The following CHRM3 variants were observed in gnomAD, a reference collection of about 807,000 sequenced individuals.
CHRM3 encodes the protein cholinergic receptor muscarinic 3.
A neutral mutation model predicts 41.8 loss-of-function variants in CHRM3; 11 were observed. The ratio of observed to expected loss-of-function variants is 0.26; its 90% CI spans 0.17 to 0.44. CHRM3 has a LOEUF of 0.44. Ranked by LOEUF, CHRM3 falls within the 20% of genes least tolerant of loss-of-function variation. The pLI is 1.00. For missense variants in CHRM3, 571 were observed against 745.4 expected, an observed-to-expected ratio of 0.77 and a Z score of 2.72; for synonymous variants, 297 against 301.4, an observed-to-expected ratio of 0.99 and a Z score of 0.15.
At chr1:239,449,730 T>A (rs1218986765) in intron 1 of CHRM3, among the ~76,000 whole-genome samples, 1 of 147,650 alleles carries the variant, frequency 6.8e-6, no homozygotes, top group Non-Finnish European at 1.5e-5. Context: ...ATTGTCACAT[T>A]CTGGTGTGTG....
At chr1:239,595,816 A>G (rs1319009804) in intron 3 of CHRM3, among the ~76,000 whole-genome samples, 2 of 152,180 alleles carry the variant, frequency 1.3e-5, no homozygotes, top group Admixed American at 6.5e-5. Context: ...CAGTGCCAAA[A>G]TATAGCTCCA....
intron 3 of CHRM3, among the ~76,000 whole-genome samples, chr1:239,629,820 G>A (rs1172756314): frequency 6.6e-6 from 1 of 151,994 alleles, no homozygotes; most frequent in Admixed American, 6.6e-5. Context: ...TAATTATTCT[G>A]TCTCTAGTTT....
intron 5 of CHRM3, among the ~76,000 whole-genome samples, chr1:239,705,979 T>C (rs1265011158): frequency 2.0e-5 from 3 of 151,468 alleles, no homozygotes; most frequent in African/African-American, 7.3e-5. Context: ...AAGAATTAAA[T>C]GTTGTAAGTC....
chr1:239,737,866 G>A (rs1211067630), intron 5 of CHRM3, among the ~76,000 whole-genome samples: 2 of 152,096 alleles, frequency 1.3e-5, no homozygotes, highest in African/African-American at 4.8e-5. Context: ...GAAGCAAGCT[G>A]ATCTTTCAGA....
At chr1:239,586,919 A>G (rs1176882150) in intron 3 of CHRM3, among the ~76,000 whole-genome samples, 1 of 152,174 alleles carries the variant, frequency 6.6e-6, no homozygotes, top group Non-Finnish European at 1.5e-5. Context: ...TGTATTATTG[A>G]TGGATATTGG....
chr1:239,903,738 T>G (rs1572648131), intron 6 of CHRM3, among the ~76,000 whole-genome samples: 1 of 152,204 alleles, frequency 6.6e-6, no homozygotes, highest in East Asian at 1.9e-4. Flanking sequence ...TCCCATGTGG[T>G]GGCAAATAGG....
chr1:239,902,665 A>G (rs1679670477), intron 6 of CHRM3, among the ~76,000 whole-genome samples: 1 of 152,152 alleles, frequency 6.6e-6, no homozygotes, highest in Non-Finnish European at 1.5e-5. Flanking sequence ...CCTCAAAGTT[A>G]TGTTCATATA....
chr1:239,672,599 TACACACAC>T (rs35094370), intron 4 of CHRM3, among the ~76,000 whole-genome samples: 2 of 145,844 alleles, frequency 1.4e-5, no homozygotes, highest in Non-Finnish European at 3.0e-5. Flanking sequence ...TTCTTCCCAC[TACACACAC>T]ACACACACAC....
In CHRM3 at chr1:239,765,867, A is replaced by G. The variant is rs1406151302; in HGVS notation, c.-146-61385A>G. On this transcript the variant is annotated intron_variant, in intron 5 of 6. Coordinates refer to ENST00000676153, the MANE Select transcript of CHRM3 (RefSeq NM_001375978.1). ...GTTTCGCTCTTGTTGCCCAGGCTGG[A>G]GTGCAATGGTGTAATCTTGGCTCAC... Among the ~76,000 whole-genome samples, 3 of 146,010 alleles carry G rather than the reference A, an allele frequency of 2.1e-5. No homozygotes were observed. In the Admixed American group the frequency reaches 2.1e-4, roughly 10 times the overall value.
intron 2 of CHRM3, among the ~76,000 whole-genome samples, chr1:239,524,517 A>G (rs532873168): frequency 6.6e-6 from 1 of 152,170 alleles, no homozygotes; most frequent in Non-Finnish European, 1.5e-5. Flanking sequence ...TGCAACTAAA[A>G]TTGGATAAAT....
At chr1:239,664,842 T>C (rs1673607717) in intron 4 of CHRM3, among the ~76,000 whole-genome samples, 1 of 152,188 alleles carries the variant, frequency 6.6e-6, no homozygotes, top group East Asian at 1.9e-4. Flanking sequence ...AGTGTACTTC[T>C]TGTCTACTTT....
intron 5 of CHRM3, among the ~76,000 whole-genome samples, chr1:239,740,480 C>G (rs891000428): frequency 6.7e-5 from 10 of 150,058 alleles, no homozygotes; most frequent in African/African-American, 2.4e-4. Flanking sequence ...TCTTTAAGTT[C>G]TGGGATACAT....
chr1:239,420,724 C>T (rs1661887393), intron 1 of CHRM3, among the ~76,000 whole-genome samples: 1 of 152,054 alleles, frequency 6.6e-6, no homozygotes. Context: ...CCTGCTTTCC[C>T]AGTTATTCTG....
chr1:239,698,464 C>G (rs929569058), intron 5 of CHRM3, among the ~76,000 whole-genome samples: 1 of 152,170 alleles, frequency 6.6e-6, no homozygotes, highest in Non-Finnish European at 1.5e-5. Flanking sequence ...TCTTGACATT[C>G]TAGAATTCTA....
chr1:239,776,480 C>T (rs1186270265), intron 5 of CHRM3, among the ~76,000 whole-genome samples: 1 of 152,002 alleles, frequency 6.6e-6, no homozygotes. Context: ...TGTGGCTGCT[C>T]AGAACTAGAT....
chr1:239,827,939 C>T (rs1672586175), intron 6 of CHRM3, among the ~76,000 whole-genome samples: 1 of 152,146 alleles, frequency 6.6e-6, no homozygotes, highest in Non-Finnish European at 1.5e-5. Context: ...TAATTCTTTA[C>T]ATTCTTTTTT....
At chr1:239,774,949 T>C (rs1292126847) in intron 5 of CHRM3, among the ~76,000 whole-genome samples, 1 of 152,132 alleles carries the variant, frequency 6.6e-6, no homozygotes, top group African/African-American at 2.4e-5. Context: ...GAAATCTCCT[T>C]GCCATAGGAG....
intron 1 of CHRM3, among the ~76,000 whole-genome samples, chr1:239,446,009 C>T (rs919991259): frequency 6.6e-6 from 1 of 151,966 alleles, no homozygotes; most frequent in Non-Finnish European, 1.5e-5. Context: ...GCAATCTCGG[C>T]TCACTGCAGC....
intron 1 of CHRM3, among the ~76,000 whole-genome samples, chr1:239,428,129 C>T (rs1349927353): frequency 6.6e-6 from 1 of 152,058 alleles, no homozygotes; most frequent in Non-Finnish European, 1.5e-5. Flanking sequence ...AGCACGTGCT[C>T]GAAAGAGAAG....
Sources: allele counts gnomAD v4.1 joint callset (sites outside exome capture counted in the v4.1 genomes callset), GRCh38; gene constraint gnomAD v4.1.1; transcripts MANE v1.5; gene names NCBI Gene and HGNC (gene_info 2026-07-23, HGNC 2026-07-21).